Variants in MLLT10 observed in about 807,000 individuals in gnomAD.
The protein encoded by MLLT10 is MLLT10 histone lysine methyltransferase DOT1L cofactor.
A neutral mutation model predicts 129.1 loss-of-function variants in MLLT10; 30 were observed. The observed-to-expected ratio is 0.23, with a 90% CI of 0.17 to 0.32. The LOEUF (loss-of-function observed/expected upper bound fraction) is 0.32. MLLT10 is among the 10% of genes least tolerant of loss of function. The pLI is 1.00. For synonymous variants in MLLT10, 490 were observed against 446.4 expected (o/e 1.10, Z -1.23); for missense variants, 1,119 against 1,268.3 (o/e 0.88, Z 1.79).
intron 3 of MLLT10, chr10:21,551,784 G>C (rs1299315688): frequency 2.5e-6 from 1 of 406,752 alleles, no homozygotes; most frequent in Non-Finnish European, 4.8e-6. Flanking sequence ...AAGTCTAATA[G>C]TTTCTGTCTC....
intron 8 of MLLT10, chr10:21,626,119 T>G: frequency 6.2e-7 from 1 of 1,609,984 alleles, no homozygotes; most frequent in Non-Finnish European, 8.5e-7. Flanking sequence ...CCTGTTTCTC[T>G]CTCTGCCTGT....
intron 13 of MLLT10, among the ~76,000 whole-genome samples, chr10:21,689,650 T>A (rs1302564677): frequency 7.0e-6 from 1 of 143,856 alleles, no homozygotes; most frequent in Non-Finnish European, 1.5e-5. Context: ...TTTATATATA[T>A]ATATATATAT....
At chr10:21,659,612 G>C (rs2049966564) in intron 9 of MLLT10, among the ~76,000 whole-genome samples, 1 of 151,414 alleles carries the variant, frequency 6.6e-6, no homozygotes. Context: ...CTGGGTTCAA[G>C]GGATTCTCAT....
intron 3 of MLLT10, among the ~76,000 whole-genome samples, chr10:21,548,684 T>G (rs1379281221): frequency 6.6e-6 from 1 of 152,158 alleles, no homozygotes; most frequent in Non-Finnish European, 1.5e-5. Flanking sequence ...GTCTTATCTT[T>G]GCATTACTGA....
intron 8 of MLLT10, among the ~76,000 whole-genome samples, chr10:21,636,260 A>G (rs1421620663): frequency 6.6e-6 from 1 of 151,910 alleles, no homozygotes; most frequent in Non-Finnish European, 1.5e-5. Flanking sequence ...AGCTGGTACT[A>G]TAGGCATGCA....
chr10:21,726,189 C>CT, intron 14 of MLLT10, 55 bp from the exon 15 acceptor site: 1 of 1,213,456 alleles, frequency 8.2e-7, no homozygotes, highest in East Asian at 2.4e-5. Flanking sequence ...GAAGGGAAAA[C>CT]TTTTAATATA....
chr10:21,625,456 T>G, intron 8 of MLLT10: 1 of 987,662 alleles, frequency 1.0e-6, no homozygotes, highest in Non-Finnish European at 1.6e-6. Context: ...CCATGACTTC[T>G]GGATATGGTT....
intron 3 of MLLT10, among the ~76,000 whole-genome samples, chr10:21,584,783 G>T (rs113421910): frequency 3.3e-5 from 5 of 151,392 alleles, no homozygotes; most frequent in Non-Finnish European, 7.4e-5. Flanking sequence ...GTGTGTATGT[G>T]TGTATATATA....
intron 8 of MLLT10, among the ~76,000 whole-genome samples, chr10:21,617,482 T>G (rs558010773): frequency 2.0e-5 from 3 of 152,190 alleles, no homozygotes; most frequent in Non-Finnish European, 4.4e-5. Flanking sequence ...TGCGAAATCT[T>G]TAGGTGACTT....
chr10:21,631,448 T>A (rs61850055), intron 8 of MLLT10, among the ~76,000 whole-genome samples: 46 of 151,538 alleles, frequency 3.0e-4, no homozygotes, highest in African/African-American at 1.0e-3. Flanking sequence ...TTTTTTTTTT[T>A]AAATACATCT....
At chr10:21,661,321 A>G (rs2050179431) in intron 9 of MLLT10, among the ~76,000 whole-genome samples, 1 of 152,206 alleles carries the variant, frequency 6.6e-6, no homozygotes. Flanking sequence ...TATACAGTTG[A>G]TTGATAGTAC....
At chr10:21,583,578 C>T (rs888653197) in intron 3 of MLLT10, among the ~76,000 whole-genome samples, 1 of 152,084 alleles carries the variant, frequency 6.6e-6, no homozygotes, top group African/African-American at 2.4e-5. Context: ...AGTATACCAC[C>T]AACATCTTTG....
chr10:21,575,641 AG>A (rs1564439552), intron 3 of MLLT10, among the ~76,000 whole-genome samples: 3 of 152,170 alleles, frequency 2.0e-5, no homozygotes, highest in Non-Finnish European at 4.4e-5. Flanking sequence ...TTACCTGAAA[AG>A]AATGTTTATA....
In MLLT10 at chr10:21,681,439, T is replaced by A; in HGVS notation, c.1666+63T>A. On this transcript the variant is annotated intron_variant, in intron 12 of 22. Transcript: ENST00000307729. ...GTCTCCTCTAGTGCTCTTTCTAGTATGTTATGCCACCTCGGAACCTCTAAA... is the reference window on the plus strand; with the variant it reads ...GTCTCCTCTAGTGCTCTTTCTAGTAAGTTATGCCACCTCGGAACCTCTAAA... 4 of 1,134,586 alleles carry A rather than the reference T, an allele frequency of 3.5e-6. No individual in the cohort carries two copies. The South Asian group carries it at 5.4e-5, about 15-fold the overall frequency. 70.3% of individuals were successfully genotyped at this position (1,134,586 alleles called of 1,614,324 possible).
intron 9 of MLLT10, among the ~76,000 whole-genome samples, chr10:21,658,823 C>T (rs1334669740): frequency 1.3e-5 from 2 of 152,044 alleles, no homozygotes; most frequent in Non-Finnish European, 2.9e-5. Context: ...ACCACCATGC[C>T]CGGCTAATTT....
intron 3 of MLLT10, among the ~76,000 whole-genome samples, chr10:21,570,239 C>T (rs530696897): frequency 1.0e-4 from 15 of 146,558 alleles, no homozygotes; most frequent in South Asian, 4.4e-4. Flanking sequence ...TGTGTGTGCG[C>T]GCGTGTGTGT....
chr10:21,650,005 T>C (rs2048867875), intron 8 of MLLT10, among the ~76,000 whole-genome samples: 1 of 151,956 alleles, frequency 6.6e-6, no homozygotes, highest in African/African-American at 2.4e-5. Context: ...AGAAGCATCA[T>C]TGGGTGGGAA....
chr10:21,634,998 G>C (rs2047329119), intron 8 of MLLT10, among the ~76,000 whole-genome samples: 1 of 152,126 alleles, frequency 6.6e-6, no homozygotes, highest in Admixed American at 6.5e-5. Context: ...TCTAACACTG[G>C]TTTCTTTTAG....
intron 5 of MLLT10, among the ~76,000 whole-genome samples, chr10:21,595,773 T>A (rs2042968381): frequency 6.6e-6 from 1 of 152,156 alleles, no homozygotes; most frequent in African/African-American, 2.4e-5. Flanking sequence ...TTTGAATTAA[T>A]TATTATTTTG....
Sources: gnomAD v4.1 joint callset for allele counts (sites outside exome capture counted in the v4.1 genomes callset) on GRCh38, gnomAD v4.1.1 for gene constraint, MANE v1.5 for transcripts, NCBI Gene and HGNC (gene_info 2026-07-23, HGNC 2026-07-21) for gene names.